The following ZRANB3 variants were observed in gnomAD, a reference collection of about 807,000 sequenced individuals.
ZRANB3 encodes the protein zinc finger RANBP2-type containing 3.
A neutral mutation model predicts 133.8 loss-of-function variants in ZRANB3; 125 were observed. The ratio of observed to expected loss-of-function variants is 0.93; its 90% confidence interval spans 0.81 to 1.08. ZRANB3 has a LOEUF of 1.08. Ranked by LOEUF, ZRANB3 falls within the 50% of genes least tolerant of loss-of-function variation. The pLI, the probability that ZRANB3 is intolerant of heterozygous loss-of-function variation, is 0.00. For synonymous variants in ZRANB3, 387 were observed against 432.7 expected (o/e 0.89, Z 1.31); for missense variants, 1,229 against 1,275.5 (o/e 0.96, Z 0.56).
intron 2 of ZRANB3, among the ~76,000 whole-genome samples, chr2:135,486,064 G>A (rs542958068): frequency 6.6e-6 from 1 of 152,242 alleles, no homozygotes; most frequent in Admixed American, 6.5e-5. Flanking sequence ...ATTGTTGATG[G>A]CTGCTGACTA....
chr2:135,462,397 T>C (rs1253787990), intron 2 of ZRANB3, among the ~76,000 whole-genome samples: 1 of 152,198 alleles, frequency 6.6e-6, no homozygotes, highest in African/African-American at 2.4e-5. Context: ...AGAGTAGACA[T>C]ATATAAGCAC....
At chr2:135,529,767 G>A (rs1196930617) in intron 1 of ZRANB3, among the ~76,000 whole-genome samples, 1 of 151,140 alleles carries the variant, frequency 6.6e-6, no homozygotes, top group Non-Finnish European at 1.5e-5. Flanking sequence ...CTCCCGCCTC[G>A]GCCTCCCAAA....
intron 2 of ZRANB3, among the ~76,000 whole-genome samples, chr2:135,485,158 CA>C (rs113183759): frequency 3.5e-5 from 5 of 141,998 alleles, no homozygotes; most frequent in African/African-American, 1.5e-4. Context: ...CAAAACAAAA[CA>C]AAACAAAACA....
intron 2 of ZRANB3, among the ~76,000 whole-genome samples, chr2:135,489,342 A>T (rs961580801): frequency 3.4e-5 from 5 of 149,162 alleles, no homozygotes; most frequent in South Asian, 2.2e-4. Context: ...TAGCATTAGG[A>T]GATATACCTA....
At chr2:135,393,341 T>G (rs970193870) in intron 2 of ZRANB3, among the ~76,000 whole-genome samples, 4 of 151,954 alleles carry the variant, frequency 2.6e-5, no homozygotes, top group African/African-American at 9.7e-5. Flanking sequence ...TGTATAGATT[T>G]CAAAGCAAAA....
chr2:135,265,829 T>C (rs1680214512), intron 11 of ZRANB3, 143 bp from the exon 12 acceptor site: 2 of 911,252 alleles, frequency 2.2e-6, no homozygotes, highest in Non-Finnish European at 1.6e-6. Context: ...TTTAGTAATA[T>C]AATTATCTTT....
At chr2:135,420,732 C>A (rs544852716) in intron 2 of ZRANB3, among the ~76,000 whole-genome samples, 1 of 152,006 alleles carries the variant, frequency 6.6e-6, no homozygotes, top group Non-Finnish European at 1.5e-5. Context: ...TCGGAATAAT[C>A]AAAATATTCT....
chr2:135,433,232 C>T (rs1175654515), intron 2 of ZRANB3, among the ~76,000 whole-genome samples: 1 of 151,898 alleles, frequency 6.6e-6, no homozygotes, highest in South Asian at 2.1e-4. Context: ...ACAGAAAATA[C>T]AAAAATTAGC....
chr2:135,423,244 C>T (rs1455304439), intron 2 of ZRANB3, among the ~76,000 whole-genome samples: 1 of 152,094 alleles, frequency 6.6e-6, no homozygotes, highest in Non-Finnish European at 1.5e-5. Context: ...ACCAGCCTGG[C>T]CAACATGGTG....
At chr2:135,502,035 C>T (rs1692972157) in intron 2 of ZRANB3, among the ~76,000 whole-genome samples, 1 of 152,108 alleles carries the variant, frequency 6.6e-6, no homozygotes, top group African/African-American at 2.4e-5. Flanking sequence ...ATAACTATTA[C>T]AGCAGACCTA....
chr2:135,364,180 T>C (rs1007527573), intron 3 of ZRANB3, among the ~76,000 whole-genome samples: 16 of 152,108 alleles, frequency 1.1e-4, no homozygotes, highest in African/African-American at 3.9e-4. Context: ...ATGATTCTTA[T>C]GTGGATGACT....
At chr2:135,388,106 G>A (rs10171944) in intron 3 of ZRANB3, among the ~76,000 whole-genome samples, 11,345 of 152,038 alleles carry the variant, frequency 0.075, 1,403 homozygotes, top group African/African-American at 0.26. Context: ...GGTGGAAGGC[G>A]AAAGAGGAGT....
chr2:135,400,752 T>C (rs996275239), intron 2 of ZRANB3, among the ~76,000 whole-genome samples: 4 of 152,194 alleles, frequency 2.6e-5, no homozygotes, highest in African/African-American at 9.6e-5. Context: ...CAATTGTCTG[T>C]CACAACTACT....
At chr2:135,350,308 G>GAAAGAAGAATAGAGGAA (rs1685148461) in intron 4 of ZRANB3, 93 bp from the exon 5 acceptor site, 1 of 868,036 alleles carries the variant, frequency 1.2e-6, no homozygotes, top group Non-Finnish European at 1.7e-6. Flanking sequence ...CAGAGGAGAA[G>GAAAGAAGAATAGAGGAA]AAAGAAGAAT....
intron 2 of ZRANB3, among the ~76,000 whole-genome samples, chr2:135,417,354 G>A (rs1344483123): frequency 1.3e-5 from 2 of 151,912 alleles, no homozygotes; most frequent in Non-Finnish European, 2.9e-5. Flanking sequence ...AAAGACACAT[G>A]AAAAAATGCT....
In ZRANB3 at chr2:135,352,586, T is replaced by A. The variant is rs76490671; in HGVS notation, c.359+864A>T. ...TGCTACTGAATTAGCATTTCAAGGT[T>A]GAAAGTGAAAAGGCCCTCCATACAT... is the stretch of plus-strand genomic sequence containing the variant. On this transcript the variant is annotated intron_variant, in intron 4 of 20. Transcript: ENST00000264159. Among the ~76,000 whole-genome samples, 613 of 152,300 alleles carry A rather than the reference T, an allele frequency of 4.0e-3. 11 individuals are homozygous for A. The highest frequency in any genetic ancestry group is 0.037 in the Admixed American group (565 of 15,286).
intron 2 of ZRANB3, among the ~76,000 whole-genome samples, chr2:135,405,307 C>T (rs1184279603): frequency 2.0e-5 from 3 of 152,164 alleles, no homozygotes; most frequent in African/African-American, 7.2e-5. Flanking sequence ...CAGGAGCACC[C>T]AGATTCATAA....
chr2:135,410,339 A>G (rs965364318), intron 2 of ZRANB3, among the ~76,000 whole-genome samples: 1 of 152,154 alleles, frequency 6.6e-6, no homozygotes, highest in African/African-American at 2.4e-5. Flanking sequence ...CCACACAACT[A>G]CAAGCACCTA....
chr2:135,465,756 C>A (rs1262120627), intron 2 of ZRANB3, among the ~76,000 whole-genome samples: 1 of 152,044 alleles, frequency 6.6e-6, no homozygotes, highest in East Asian at 1.9e-4. Context: ...AGAAAATTTT[C>A]GCAATCTATC....
Sources: allele counts gnomAD v4.1 joint callset (sites outside exome capture counted in the v4.1 genomes callset), GRCh38; gene constraint gnomAD v4.1.1; transcripts MANE v1.5; gene names NCBI Gene and HGNC (gene_info 2026-07-23, HGNC 2026-07-21).